PTPRT: variants seen among roughly 807,000 people sequenced by gnomAD.
PTPRT encodes receptor-type tyrosine-protein phosphatase T.
A neutral mutation model predicts 176.8 loss-of-function variants in PTPRT; 56 were observed. That is an observed-to-expected ratio of 0.32 (90% CI 0.26 to 0.40). The LOEUF is 0.40. Ranked by LOEUF, PTPRT falls within the 10% of genes least tolerant of loss-of-function variation. The pLI is 1.00. For missense variants in PTPRT, 1,540 were observed against 1,908.2 expected, an observed-to-expected ratio of 0.81 and a Z score of 3.60; for synonymous variants, 783 against 739.0, an observed-to-expected ratio of 1.06 and a Z score of -0.96.
chr20:42,917,554 G>A (rs559072327), intron 1 of PTPRT, among the ~76,000 whole-genome samples: 1 of 152,154 alleles, frequency 6.6e-6, no homozygotes, highest in African/African-American at 2.4e-5. Flanking sequence ...ACATTGGGCA[G>A]TATGGCCATT....
At chr20:42,438,040 A>C (rs765459790) in intron 9 of PTPRT, among the ~76,000 whole-genome samples, 1 of 152,210 alleles carries the variant, frequency 6.6e-6, no homozygotes, top group Non-Finnish European at 1.5e-5. Context: ...GTTTATTGAA[A>C]GGACCACAGC....
At chr20:42,317,306 G>T (rs972884064) in intron 11 of PTPRT, among the ~76,000 whole-genome samples, 1 of 152,192 alleles carries the variant, frequency 6.6e-6, no homozygotes, top group African/African-American at 2.4e-5. Context: ...CCCAATGTTA[G>T]ACTCTCTTTG....
intron 7 of PTPRT, among the ~76,000 whole-genome samples, chr20:42,627,375 T>C (rs1182448992): frequency 6.6e-6 from 1 of 152,046 alleles, no homozygotes; most frequent in Non-Finnish European, 1.5e-5. Flanking sequence ...ACAACCCTCT[T>C]GCCTCAACCT....
intron 7 of PTPRT, among the ~76,000 whole-genome samples, chr20:42,499,541 C>T (rs574011388): frequency 2.0e-5 from 3 of 152,222 alleles, no homozygotes; most frequent in African/African-American, 7.2e-5. Context: ...CCAGCTGCCT[C>T]GGCCTCCCAA....
chr20:42,362,831 C>A (rs745783864), intron 9 of PTPRT, among the ~76,000 whole-genome samples: 39 of 152,058 alleles, frequency 2.6e-4, no homozygotes, highest in African/African-American at 8.2e-4. Flanking sequence ...TTGAGCCAGG[C>A]GCGGTGGCTC....
At chr20:43,051,082 A>C (rs1760687948) in intron 1 of PTPRT, among the ~76,000 whole-genome samples, 1 of 152,244 alleles carries the variant, frequency 6.6e-6, no homozygotes, top group South Asian at 2.1e-4. Flanking sequence ...GAGAAAGCAA[A>C]GTATAATAGA....
intron 8 of PTPRT, among the ~76,000 whole-genome samples, chr20:42,469,049 G>A (rs6030267): frequency 0.23 from 34,506 of 151,912 alleles, 4,376 homozygotes; most frequent in African/African-American, 0.35. Context: ...CTCAACTGCC[G>A]GGGATAGATG....
intron 1 of PTPRT, among the ~76,000 whole-genome samples, chr20:43,072,000 C>T (rs935239809): frequency 1.3e-5 from 2 of 152,190 alleles, no homozygotes; most frequent in East Asian, 1.9e-4. Context: ...CCATTCTAGA[C>T]ATATGATCTA....
chr20:42,692,708 G>A (rs2075810539), intron 6 of PTPRT, among the ~76,000 whole-genome samples: 1 of 152,024 alleles, frequency 6.6e-6, no homozygotes, highest in Admixed American at 6.6e-5. Flanking sequence ...AAGTAATAAA[G>A]CTTTCATTAT....
In PTPRT at chr20:42,434,634, A is replaced by G. The variant is rs113960583; in HGVS notation, c.1560+13586T>C. Among the ~76,000 whole-genome samples, 694 of 148,760 alleles carry G rather than the reference A, an allele frequency of 4.7e-3. 4 individuals carry two copies. The highest frequency in any genetic ancestry group is 0.016 in the African/African-American group (635 of 40,260). The stretch of plus-strand genomic sequence containing the variant: ...ACGCCTTCAAAGGGATCTCATCTTC[A>G]TAAGAAAAGCCCATCCCATCTTCAT... On this transcript the variant is annotated intron_variant, in intron 9 of 30. Transcript: ENST00000373187.
chr20:42,410,284 G>A, intron 9 of PTPRT, among the ~76,000 whole-genome samples: 1 of 151,892 alleles, frequency 6.6e-6, no homozygotes, highest in Non-Finnish European at 1.5e-5. Context: ...GAATTTGTTG[G>A]AAATCAAACA....
At chr20:43,186,442 T>C (rs2015393584) in intron 1 of PTPRT, among the ~76,000 whole-genome samples, 1 of 152,170 alleles carries the variant, frequency 6.6e-6, no homozygotes, top group African/African-American at 2.4e-5. Flanking sequence ...AGCATTGCTC[T>C]TGTTTCCACA....
intron 7 of PTPRT, among the ~76,000 whole-genome samples, chr20:42,623,415 T>C (rs902523759): frequency 6.6e-6 from 1 of 152,208 alleles, no homozygotes; most frequent in Non-Finnish European, 1.5e-5. Flanking sequence ...CAGAGAGGCA[T>C]ACCCCTGTCA....
intron 18 of PTPRT, among the ~76,000 whole-genome samples, chr20:42,132,156 T>C (rs886312708): frequency 2.0e-5 from 3 of 152,204 alleles, no homozygotes; most frequent in African/African-American, 7.2e-5. Flanking sequence ...CCAAAATTCA[T>C]GCCTACACAG....
At position 42,697,533 on chromosome 20, in the gene PTPRT, G is replaced by A. The variant is rs2075900740; in HGVS notation, c.860-19374C>T. On this transcript the variant is annotated intron_variant, in intron 6 of 30. Transcript: ENST00000373187. The stretch of plus-strand genomic sequence containing the variant: ...ATATGGATGGATGTTTGCACACATG[G>A]AACTCAATACAAAACAGACACGGCC... 2.6e-5 allele frequency among the ~76,000 whole-genome samples: 4 copies of A among 152,322 alleles called. No individual in the cohort carries two copies. The South Asian group carries it at 8.3e-4, about 32-fold the overall frequency.
chr20:42,930,129 G>T (rs1387737580), intron 1 of PTPRT, among the ~76,000 whole-genome samples: 1 of 152,212 alleles, frequency 6.6e-6, no homozygotes, highest in African/African-American at 2.4e-5. Context: ...AGAGGACAGG[G>T]AAAGGACTTG....
At position 43,109,173 on chromosome 20, in the gene PTPRT, T is replaced by G. The variant is rs547613992; in HGVS notation, c.88+80473A>C. Among the ~76,000 whole-genome samples, 9 of 152,292 alleles carry G rather than the reference T, an allele frequency of 5.9e-5. No individual in the cohort carries two copies. In the South Asian group the frequency reaches 1.2e-3, roughly 21 times the overall value. On this transcript the variant is annotated intron_variant, in intron 1 of 30. Coordinates refer to ENST00000373187, the MANE Select transcript of PTPRT (RefSeq NM_007050.6). ...GCGGCAAGTGCTATAATGCAGTGAT[T>G]GCAGTCATGTGAGCAATAATATCAG... is the stretch of plus-strand genomic sequence containing the variant.
intron 6 of PTPRT, among the ~76,000 whole-genome samples, chr20:42,726,059 TA>T (rs869045569): frequency 4.5e-5 from 3 of 66,764 alleles, no homozygotes; most frequent in East Asian, 5.6e-4. Flanking sequence ...TGGGCATCTT[TA>T]TTATTATTAT....
chr20:42,383,465 C>T (rs1301872586), intron 9 of PTPRT, among the ~76,000 whole-genome samples: 2 of 151,790 alleles, frequency 1.3e-5, no homozygotes, highest in African/African-American at 2.4e-5. Context: ...GGCTGATAAC[C>T]TTGAAGCAGT....
Sources: allele counts gnomAD v4.1 joint callset (sites outside exome capture counted in the v4.1 genomes callset), GRCh38; gene constraint gnomAD v4.1.1; transcripts MANE v1.5; gene names NCBI Gene and HGNC (gene_info 2026-07-23, HGNC 2026-07-21).